SLC33A1: variants seen among roughly 807,000 people sequenced by gnomAD.
SLC33A1 encodes the protein acetyl-coenzyme A transporter 1.
In SLC33A1, 20 loss-of-function variants were observed where a neutral mutation model predicts 50.0. The ratio of observed to expected loss-of-function variants is 0.40; its 90% confidence interval spans 0.28 to 0.58. SLC33A1 has a LOEUF of 0.58. Among genes scored for constraint, SLC33A1 ranks in the 20% least tolerant of loss-of-function variants. SLC33A1 has a pLI of 0.44. For synonymous variants in SLC33A1, 265 were observed against 251.8 expected (o/e 1.05, Z -0.50); for missense variants, 476 against 657.0 (o/e 0.72, Z 3.01).
chr3:155,826,600 G>C lies in SLC33A1; in HGVS notation c.*1610C>G, dbSNP rs962668773. Reference sequence around the variant, plus strand: ...TGATAATGGACAACCATGTGACAAAGTACTGTAGTGTATGGTTTGGTGTAG... The same window carrying C: ...TGATAATGGACAACCATGTGACAAACTACTGTAGTGTATGGTTTGGTGTAG... On this transcript the variant is annotated 3_prime_UTR_variant, in exon 6 of 6. Transcript: ENST00000643144. 1.3e-5 allele frequency: 2 copies of C among 152,012 alleles called. No individual in the cohort carries two copies. The highest frequency in any genetic ancestry group is 4.2e-4 in the South Asian group (2 of 4,814). 9.4% of individuals were successfully genotyped at this position (152,012 alleles called of 1,614,324 possible).
chr3:155,853,937 G>C lies in SLC33A1; in HGVS notation c.61C>G (p.His21Asp). 1 of 1,538,134 alleles carries C rather than the reference G, an allele frequency of 6.5e-7. No individual in the cohort carries two copies. Among genetic ancestry groups the C allele is most frequent in the Non-Finnish European group, 8.7e-7 (1 of 1,147,498 alleles). Residue 21 changes from histidine to aspartate, a missense_variant, in exon 1 of 6, where the codon CAC becomes GAC. Transcript: ENST00000643144. The part of the protein sequence containing the change: ...SRQRRPGNFS[H>D]SLDMKSGPLP... ...GGACCGCTCTTCATATCCAGAGAGTGACTGAAATTCCCTGGCCGCCGTTGC... is the reference window on the plus strand; with the variant it reads ...GGACCGCTCTTCATATCCAGAGAGTCACTGAAATTCCCTGGCCGCCGTTGC...
Position 155,823,057 on chromosome 3 carries a change from T to A in SLC33A1, c.*5153A>T, listed in dbSNP as rs184121698. 6.6e-6 allele frequency: 1 copy of A among 152,304 alleles called. No individual in the cohort carries two copies. The highest frequency in any genetic ancestry group is 1.9e-4 in the East Asian group (1 of 5,192). 9.4% of individuals were successfully genotyped at this position (152,304 alleles called of 1,614,324 possible). ...TTCTCCTACAAAATATCCATTCTCC[T>A]TCCCCAAAATAAACAAGGCTCCTTA... On this transcript the variant is annotated 3_prime_UTR_variant, in exon 6 of 6. Transcript: ENST00000643144.
rs1408131825 is a variant in SLC33A1, at chr3:155,821,416, G to C, written c.*6794C>G. Reference sequence around the variant, plus strand: ...ACATCTGGGGACAACAATAGATATAGACTCACCAATATAATTTGACAGTGG... The same window carrying C: ...ACATCTGGGGACAACAATAGATATACACTCACCAATATAATTTGACAGTGG... On this transcript the variant is annotated 3_prime_UTR_variant, in exon 6 of 6. Transcript: ENST00000643144. 1 of 151,932 alleles carries C rather than the reference G, an allele frequency of 6.6e-6. No homozygotes were observed. Among genetic ancestry groups the C allele is most frequent in the Non-Finnish European group, 1.5e-5 (1 of 68,034 alleles). 9.4% of individuals were successfully genotyped at this position (151,932 alleles called of 1,614,324 possible).
At chr3:155,839,373 CAAAA>C (rs1198585213) in intron 2 of SLC33A1, among the ~76,000 whole-genome samples, 1 of 18,296 alleles carries the variant, frequency 5.5e-5, no homozygotes, top group Non-Finnish European at 9.8e-5. Context: ...GACTCTGTCT[CAAAA>C]AAAAAAAAAA....
In SLC33A1 at chr3:155,829,923, A is replaced by T. The variant is rs763924718; in HGVS notation, c.1267-20T>A. ...TGTAACCTACGGAAAAATGTAAAAC[A>T]TCTTTAGTATGATTATAAAGCTTAT... On this transcript the variant is annotated intron_variant, in intron 4 of 5. Coordinates refer to ENST00000643144, the MANE Select transcript of SLC33A1 (RefSeq NM_004733.4). 6.9e-7 allele frequency: 1 copy of T among 1,445,232 alleles called. No homozygotes were observed. The highest frequency in any genetic ancestry group is 9.7e-7 in the Non-Finnish European group (1 of 1,027,696). 89.5% of individuals were successfully genotyped at this position (1,445,232 alleles called of 1,614,324 possible). A position where few individuals can be genotyped will look rare whatever the true frequency, so the allele number is the denominator to read the frequency against.
chr3:155,829,944 C>A (rs1459614061), intron 4 of SLC33A1, 41 bp from the exon 5 acceptor site: 2 of 1,259,808 alleles, frequency 1.6e-6, no homozygotes, highest in Non-Finnish European at 2.3e-6. Flanking sequence ...GATTATAAAG[C>A]TTATAAAGCT....
intron 1 of SLC33A1, among the ~76,000 whole-genome samples, chr3:155,849,860 A>G (rs1016105557): frequency 6.7e-6 from 1 of 149,020 alleles, no homozygotes; most frequent in African/African-American, 2.5e-5. Context: ...GTGAGCTGAG[A>G]TCATACCACT....
At chr3:155,832,723 C>CAAAAA (rs11303771) in intron 4 of SLC33A1, among the ~76,000 whole-genome samples, 6 of 28,122 alleles carry the variant, frequency 2.1e-4, no homozygotes, top group African/African-American at 2.7e-4. Context: ...GACTCTGTCT[C>CAAAAA]AAAAAAAAAA....
At position 155,853,178 on chromosome 3, in the gene SLC33A1, A is replaced by T. The variant is rs371755947; in HGVS notation, c.775+45T>A. ...TCCCTCCAACGTCACACACTCTTTC[A>T]AAAGGATAAATAAACCTAACACCAT... On this transcript the variant is annotated intron_variant, in intron 1 of 5. Transcript: ENST00000643144. 9 of 1,539,234 alleles carry T rather than the reference A, an allele frequency of 5.8e-6. No homozygotes were observed. In the African/African-American group the frequency reaches 1.1e-4, roughly 19 times the overall value.
intron 2 of SLC33A1, among the ~76,000 whole-genome samples, chr3:155,836,013 G>A (rs919969340): frequency 2.0e-5 from 3 of 151,306 alleles, no homozygotes; most frequent in East Asian, 1.9e-4. Flanking sequence ...GGCCAGACGC[G>A]GTGGCTCATG....
At chr3:155,841,659 T>C (rs1752942604) in intron 2 of SLC33A1, among the ~76,000 whole-genome samples, 1 of 152,130 alleles carries the variant, frequency 6.6e-6, no homozygotes, top group African/African-American at 2.4e-5. Flanking sequence ...TCTCGTATAA[T>C]TTTCCTTTCA....
intron 1 of SLC33A1, among the ~76,000 whole-genome samples, chr3:155,849,674 G>A (rs536161355): frequency 3.3e-4 from 50 of 151,780 alleles, no homozygotes; most frequent in South Asian, 4.2e-4. Flanking sequence ...TTGGGAAGCC[G>A]AGGTGAGCAG....
rs1038603044 is a variant in SLC33A1, at chr3:155,823,880, A to G, written c.*4330T>C. The G allele has an allele frequency of 2.6e-5, 4 of 151,718 alleles. No individual in the cohort carries two copies. Among genetic ancestry groups the G allele is most frequent in the African/African-American group, 7.3e-5 (3 of 41,324 alleles). The allele number at this position is 151,718 out of a possible 1,614,324, so 9.4% of individuals were successfully genotyped here. ...TCGTGTGCCACCCTATGCCTGGCTAATTTTTGTATTTTTAGTAGAGACGGC... is the reference window on the plus strand; with the variant it reads ...TCGTGTGCCACCCTATGCCTGGCTAGTTTTTGTATTTTTAGTAGAGACGGC... On this transcript the variant is annotated 3_prime_UTR_variant, in exon 6 of 6. Coordinates refer to ENST00000643144, the MANE Select transcript of SLC33A1 (RefSeq NM_004733.4).
Position 155,829,734 on chromosome 3 carries a change from C to T in SLC33A1, c.1436G>A (p.Cys479Tyr). The part of the protein sequence containing the change: ...WLVDPLTVKE[C>Y]VGASNQNCRT... ...ACAATTCTGGTTTGATGCTCCTACA[C>T]ACTCTTTTACTGTGAGGGGATCTAC... The change falls in exon 5 of 6, where the codon TGT (cysteine) becomes TAT (tyrosine). Residue 479 changes from cysteine to tyrosine, a missense_variant. Physicochemically the swap from Cys to Tyr is radical, Grantham distance 194. Coordinates refer to ENST00000643144, the MANE Select transcript of SLC33A1 (RefSeq NM_004733.4). The T allele has an allele frequency of 6.2e-7, 1 of 1,614,114 alleles. No individual in the cohort carries two copies.
intron 2 of SLC33A1, among the ~76,000 whole-genome samples, chr3:155,841,512 A>G (rs1752936427): frequency 6.6e-6 from 1 of 152,196 alleles, no homozygotes; most frequent in Non-Finnish European, 1.5e-5. Flanking sequence ...TTTCAGAAAT[A>G]TTAACTCCAA....
rs1156764445 is a variant in SLC33A1 at position 155,853,713 on chromosome 3, G to A, written c.285C>T (p.Ile95=). Residue 95 remains isoleucine, a synonymous_variant, in exon 1 of 6, where the codon ATC becomes ATT. Transcript: ENST00000643144. ...QGIPLGLAGS[I]PLILQSKNVS... is the part of the protein sequence containing the mutation. ...CATTTTTGCTTTGCAAAATGAGTGGGATGCTTCCCGCCAAGCCCAGGGGAA... is the reference window on the plus strand; with the variant it reads ...CATTTTTGCTTTGCAAAATGAGTGGAATGCTTCCCGCCAAGCCCAGGGGAA... 1 of 1,614,136 alleles carries A rather than the reference G, an allele frequency of 6.2e-7. No homozygotes were observed. The highest frequency in any genetic ancestry group is 1.7e-5 in the Admixed American group (1 of 60,028).
chr3:155,853,287 A>C lies in SLC33A1; in HGVS notation c.711T>G (p.Ser237=), dbSNP rs780047530. The change falls in exon 1 of 6, where the codon TCT becomes TCG. Residue 237 remains serine (S), a synonymous_variant. Transcript: ENST00000643144. The part of the protein sequence containing the change: ...LGNVLFLALE[S]ADFCNKYLRF... ...GCAAATATTTGTTACAAAAGTCGGC[A>C]GATTCAAGGGCCAAAAACAAAACAT... 1.9e-6 allele frequency: 3 copies of C among 1,613,968 alleles called. No homozygotes were observed. Among genetic ancestry groups the C allele is most frequent in the Non-Finnish European group, 2.5e-6 (3 of 1,180,032 alleles).
intron 1 of SLC33A1, among the ~76,000 whole-genome samples, chr3:155,852,314 AAAAAAAGAAG>A (rs1753432511): frequency 6.6e-6 from 1 of 152,072 alleles, no homozygotes; most frequent in East Asian, 1.9e-4. Flanking sequence ...ATCTCAATTA[AAAAAAAGAAG>A]AAAAAAGAAA....
intron 1 of SLC33A1, among the ~76,000 whole-genome samples, chr3:155,846,668 G>T (rs1044821390): frequency 6.6e-6 from 1 of 151,588 alleles, no homozygotes; most frequent in Non-Finnish European, 1.5e-5. Context: ...GGTCAGGCTG[G>T]TCTTGAACTC....
Sources: allele counts gnomAD v4.1 joint callset (sites outside exome capture counted in the v4.1 genomes callset), GRCh38; gene constraint gnomAD v4.1.1; transcripts MANE v1.5; gene names NCBI Gene and HGNC (gene_info 2026-07-23, HGNC 2026-07-21).